OPCML: variants seen among roughly 807,000 people sequenced by gnomAD.
OPCML encodes the protein opioid binding protein/cell adhesion molecule like, also known as opioid-binding protein/cell adhesion molecule.
OPCML carries 13 observed loss-of-function variants against 37.8 expected under a neutral mutation model. That is an observed-to-expected ratio of 0.34 (90% confidence interval 0.22 to 0.55). The LOEUF is 0.55. Among genes scored for constraint, OPCML ranks in the 20% least tolerant of loss-of-function variants. OPCML has a pLI of 0.91. For synonymous variants in OPCML, 176 were observed against 168.8 expected, an observed-to-expected ratio of 1.04 and a Z score of -0.33; for missense variants, 341 against 435.6, an observed-to-expected ratio of 0.78 and a Z score of 1.93.
intron 2 of OPCML, among the ~76,000 whole-genome samples, chr11:132,921,652 G>A (rs972484894): frequency 1.3e-5 from 2 of 152,160 alleles, no homozygotes; most frequent in Non-Finnish European, 2.9e-5. Context: ...GATCCCACAG[G>A]GAACCCTGCT....
At chr11:133,051,217 T>C (rs1486291443) in intron 1 of OPCML, among the ~76,000 whole-genome samples, 1 of 152,208 alleles carries the variant, frequency 6.6e-6, no homozygotes, top group Non-Finnish European at 1.5e-5. Flanking sequence ...ACATATTGAT[T>C]TCTCTGTGCC....
intron 3 of OPCML, among the ~76,000 whole-genome samples, chr11:132,643,147 C>T (rs955626029): frequency 2.6e-5 from 4 of 152,084 alleles, no homozygotes; most frequent in African/African-American, 7.2e-5. Flanking sequence ...CATGGTGGCA[C>T]GAGCCTGTAA....
chr11:132,812,883 A>G (rs186413459), intron 2 of OPCML, among the ~76,000 whole-genome samples: 2 of 152,318 alleles, frequency 1.3e-5, no homozygotes, highest in East Asian at 3.9e-4. Context: ...TTTCCACATA[A>G]TATGTCCTCA....
At chr11:132,798,625 C>T (rs539516188) in intron 2 of OPCML, among the ~76,000 whole-genome samples, 1 of 152,290 alleles carries the variant, frequency 6.6e-6, no homozygotes, top group South Asian at 2.1e-4. Flanking sequence ...GTCTTAAACC[C>T]CTCAAGAGTT....
intron 1 of OPCML, among the ~76,000 whole-genome samples, chr11:133,456,422 T>G (rs1041927421): frequency 2.0e-5 from 3 of 151,934 alleles, no homozygotes; most frequent in Admixed American, 2.0e-4. Context: ...CTGCCAAGAT[T>G]GGAAAGGTTG....
intron 1 of OPCML, among the ~76,000 whole-genome samples, chr11:133,140,814 C>G (rs76022991): frequency 1.4e-5 from 1 of 70,816 alleles, no homozygotes; most frequent in African/African-American, 5.6e-5. Flanking sequence ...AAGACGACGA[C>G]GAAGAAGAAG....
chr11:132,682,299 C>T (rs1042298367), intron 2 of OPCML, among the ~76,000 whole-genome samples: 10 of 152,126 alleles, frequency 6.6e-5, no homozygotes, highest in Non-Finnish European at 1.2e-4. Context: ...CTGACAGAAT[C>T]CCTAATAAAA....
chr11:132,672,602 G>A (rs1261897295), intron 2 of OPCML, among the ~76,000 whole-genome samples: 4 of 152,170 alleles, frequency 2.6e-5, no homozygotes, highest in Non-Finnish European at 5.9e-5. Flanking sequence ...CAAGTCTCTT[G>A]AAGCAACCGG....
chr11:133,279,323 A>G (rs780994615), intron 1 of OPCML, among the ~76,000 whole-genome samples: 1 of 152,134 alleles, frequency 6.6e-6, no homozygotes, highest in Non-Finnish European at 1.5e-5. Flanking sequence ...TATTCATGCT[A>G]CAAAATGCCT....
At chr11:132,600,390 G>T (rs149750368) in intron 3 of OPCML, among the ~76,000 whole-genome samples, 1 of 152,164 alleles carries the variant, frequency 6.6e-6, no homozygotes, top group Non-Finnish European at 1.5e-5. Flanking sequence ...AATACGAAGG[G>T]ACCAAAGGCC....
At chr11:133,165,890 C>T (rs550083986) in intron 1 of OPCML, among the ~76,000 whole-genome samples, 4 of 152,290 alleles carry the variant, frequency 2.6e-5, no homozygotes, top group African/African-American at 4.8e-5. Flanking sequence ...ACACCACAAC[C>T]GCAGAATACC....
rs749099654 is a variant in OPCML, at chr11:132,441,158, C to CTTTTTTTTTTTTTTTTTTTTTTTTTTT, written c.506-3800_506-3799insAAAAAAAAAAAAAAAAAAAAAAAAAAA. On this transcript the variant is annotated intron_variant, in intron 4 of 7. Coordinates refer to ENST00000524381, the MANE Select transcript of OPCML (RefSeq NM_001012393.5). Reference sequence around the variant, plus strand: ...ATTCTGAAGATGTGTTCACCAAGGACTTTTTTGTTTTTTTTTTTTTTTTTT... The same window carrying CTTTTTTTTTTTTTTTTTTTTTTTTTTT: ...ATTCTGAAGATGTGTTCACCAAGGACTTTTTTTTTTTTTTTTTTTTTTTTTTTTTTTTTGTTTTTTTTTTTTTTTTTT... Among the ~76,000 whole-genome samples, 4 of 108,054 alleles carry CTTTTTTTTTTTTTTTTTTTTTTTTTTT rather than the reference C, an allele frequency of 3.7e-5. 1 individual carries two copies. The highest frequency in any genetic ancestry group is 8.8e-5 in the African/African-American group (2 of 22,764). The allele number at this position is 108,054 out of a possible 152,430, so 70.9% of individuals were successfully genotyped here. A position where few individuals can be genotyped will look rare whatever the true frequency, so the allele number is the denominator to read the frequency against.
chr11:132,874,647 T>C (rs958670832), intron 2 of OPCML, among the ~76,000 whole-genome samples: 1 of 152,132 alleles, frequency 6.6e-6, no homozygotes, highest in Non-Finnish European at 1.5e-5. Context: ...CTAATCAGAA[T>C]AGACAGGTAA....
chr11:132,473,486 G>A (rs1440890103), intron 4 of OPCML, among the ~76,000 whole-genome samples: 1 of 152,142 alleles, frequency 6.6e-6, no homozygotes, highest in Non-Finnish European at 1.5e-5. Flanking sequence ...TAATGAAACT[G>A]ACAAGGAGAC....
At chr11:133,321,481 T>C (rs866162041) in intron 1 of OPCML, among the ~76,000 whole-genome samples, 2 of 152,182 alleles carry the variant, frequency 1.3e-5, no homozygotes, top group Non-Finnish European at 2.9e-5. Flanking sequence ...GGGACAGACC[T>C]CCTCTTGTGT....
chr11:133,462,669 A>G (rs1313721835), intron 1 of OPCML, among the ~76,000 whole-genome samples: 1 of 152,160 alleles, frequency 6.6e-6, no homozygotes, highest in Non-Finnish European at 1.5e-5. Context: ...TTATTAAAAT[A>G]CCAGAGAATA....
chr11:133,181,661 T>C (rs1937838979), intron 1 of OPCML, among the ~76,000 whole-genome samples: 1 of 152,154 alleles, frequency 6.6e-6, no homozygotes. Context: ...CAATGCCCCT[T>C]GAGCCCTCAG....
At chr11:133,186,900 G>A (rs930359793) in intron 1 of OPCML, among the ~76,000 whole-genome samples, 5 of 152,118 alleles carry the variant, frequency 3.3e-5, no homozygotes, top group Admixed American at 2.6e-4. Context: ...GGTTCTCAGG[G>A]TAGGCCTCAT....
At chr11:132,564,757 G>A (rs1321887977) in intron 3 of OPCML, among the ~76,000 whole-genome samples, 1 of 152,224 alleles carries the variant, frequency 6.6e-6, no homozygotes, top group Non-Finnish European at 1.5e-5. Context: ...CTCTGTGGAT[G>A]TGTTTTATAT....
Sources: allele counts gnomAD v4.1 joint callset (sites outside exome capture counted in the v4.1 genomes callset), GRCh38; gene constraint gnomAD v4.1.1; transcripts MANE v1.5; gene names NCBI Gene and HGNC (gene_info 2026-07-23, HGNC 2026-07-21).